Variants in SIM1 observed in about 807,000 individuals in gnomAD.
SIM1 encodes single-minded homolog 1.
In SIM1, 18 loss-of-function variants were observed where a neutral mutation model predicts 78.2. That is an observed-to-expected ratio of 0.23 (90% CI 0.16 to 0.34). SIM1 has a LOEUF of 0.34. Among genes scored for constraint, SIM1 ranks in the 10% least tolerant of loss-of-function variants. SIM1 has a pLI of 1.00. For missense variants in SIM1, 939 were observed against 975.1 expected (o/e 0.96, Z 0.49); for synonymous variants, 417 against 385.2 (o/e 1.08, Z -0.97).
Position 100,404,162 on chromosome 6 carries a change from G to A in SIM1, c.1168-10273C>T, listed in dbSNP as rs566273958. On this transcript the variant is annotated intron_variant, in intron 10 of 11. Coordinates refer to ENST00000369208, the MANE Select transcript of SIM1 (RefSeq NM_005068.3). ...TCACTCAAACAGTCTCATACCACAA[G>A]TACACCCATAGATATTCTTCTTTTG... Among the ~76,000 whole-genome samples the A allele has an allele frequency of 4.6e-5, 7 of 152,226 alleles. No individual in the cohort carries two copies. The South Asian group carries it at 1.5e-3, about 32-fold the overall frequency.
chr6:100,458,531 C>T (rs893822919), intron 2 of SIM1, among the ~76,000 whole-genome samples: 3 of 152,236 alleles, frequency 2.0e-5, no homozygotes, highest in Non-Finnish European at 4.4e-5. Context: ...GGGCTGCTGG[C>T]ACACACCTGC....
At chr6:100,460,516 A>G (rs1772813303) in intron 2 of SIM1, among the ~76,000 whole-genome samples, 1 of 152,216 alleles carries the variant, frequency 6.6e-6, no homozygotes, top group Non-Finnish European at 1.5e-5. Context: ...ACCTGTGATA[A>G]GACACTTATA....
At chr6:100,456,848 C>G (rs1772677022) in intron 2 of SIM1, among the ~76,000 whole-genome samples, 1 of 152,180 alleles carries the variant, frequency 6.6e-6, no homozygotes. Context: ...TAAATACCCC[C>G]TGACCCAAGG....
intron 10 of SIM1, among the ~76,000 whole-genome samples, chr6:100,419,941 T>C (rs1214964771): frequency 1.3e-5 from 2 of 151,964 alleles, no homozygotes; most frequent in Non-Finnish European, 2.9e-5. Flanking sequence ...GTGCCCAGCC[T>C]CCAGTTTGGT....
At position 100,386,462 on chromosome 6, in the gene SIM1, A is replaced by G. The variant is rs1483975752; in HGVS notation, c.*3899T>C. On this transcript the variant is annotated 3_prime_UTR_variant, in exon 12 of 12. Coordinates refer to ENST00000369208, the MANE Select transcript of SIM1 (RefSeq NM_005068.3). The stretch of plus-strand genomic sequence containing the variant: ...AGAAGATTTCTTTATCTGTGCTGCC[A>G]TCCATCAAACTTACTTGGTTTAGAT... 2.0e-5 allele frequency: 3 copies of G among 152,094 alleles called. No homozygotes were observed. The East Asian group carries it at 5.8e-4, about 29-fold the overall frequency. 9.4% of individuals were successfully genotyped at this position (152,094 alleles called of 1,614,324 possible).
In SIM1 at chr6:100,420,825, A is replaced by G; in HGVS notation, c.1132T>C (p.Ser378Pro). The change falls in exon 10 of 12, where the codon TCA becomes CCA. Residue 378 changes from serine to proline, a missense_variant. Ser to Pro is a moderately conservative substitution (Grantham distance 74). Around this residue, in one of 5 missense-constraint regions of SIM1, gnomAD observed 556 missense variants for 521.9 expected, o/e 1.07. Transcript: ENST00000369208. ...RKGAKSRLSS[S>P]KSKSRTSPYP... is the part of the protein sequence containing the mutation. ...GGGGAAGTCCTGGATTTTGACTTTG[A>G]GCTGGAGAGCCGGGATTTGGCCCCC... 1 of 1,614,150 alleles carries G rather than the reference A, an allele frequency of 6.2e-7. No individual in the cohort carries two copies.
intron 9 of SIM1, among the ~76,000 whole-genome samples, chr6:100,445,020 A>T (rs1296673450): frequency 6.6e-6 from 1 of 152,232 alleles, no homozygotes; most frequent in Non-Finnish European, 1.5e-5. Context: ...TGTCATTCTC[A>T]GGCTTCATAG....
intron 9 of SIM1, among the ~76,000 whole-genome samples, chr6:100,434,220 C>A (rs970151813): frequency 6.6e-6 from 1 of 152,202 alleles, no homozygotes; most frequent in African/African-American, 2.4e-5. Context: ...TCTGCCCTCC[C>A]CTTTGTGGGC....
intron 10 of SIM1, among the ~76,000 whole-genome samples, chr6:100,414,532 G>A (rs1771350598): frequency 6.6e-6 from 1 of 152,100 alleles, no homozygotes; most frequent in African/African-American, 2.4e-5. Flanking sequence ...CAACAGGAGA[G>A]GAAGACTAAT....
chr6:100,436,987 C>T (rs1365897599), intron 9 of SIM1, among the ~76,000 whole-genome samples: 3 of 152,106 alleles, frequency 2.0e-5, no homozygotes, highest in Non-Finnish European at 4.4e-5. Flanking sequence ...CCACCTACCT[C>T]AGCCTCTCAA....
chr6:100,448,091 C>A, intron 8 of SIM1, 55 bp downstream of exon 8: 1 of 1,432,770 alleles, frequency 7.0e-7, no homozygotes, highest in Non-Finnish European at 9.6e-7. Flanking sequence ...TCCCCCACCC[C>A]CTAACCAGCG....
intron 9 of SIM1, 56 bp from the exon 10 acceptor site, chr6:100,421,014 C>T: frequency 1.9e-6 from 3 of 1,545,672 alleles, no homozygotes; most frequent in Non-Finnish European, 2.6e-6. Flanking sequence ...TGGATTCATG[C>T]ATACTCTCAT....
chr6:100,424,012 G>C (rs1388843189), intron 9 of SIM1, among the ~76,000 whole-genome samples: 1 of 152,016 alleles, frequency 6.6e-6, no homozygotes, highest in Non-Finnish European at 1.5e-5. Context: ...ATGGCTATAA[G>C]CAGTGAATAA....
In SIM1 at chr6:100,391,002, A is replaced by G. The variant is rs201025486; in HGVS notation, c.1660T>C (p.Tyr554His). The G allele has an allele frequency of 6.2e-7, 1 of 1,614,088 alleles. No homozygotes were observed. The highest frequency in any genetic ancestry group is 1.3e-5 in the African/African-American group (1 of 74,994). ...ESGDRYRTEQ[Y>H]QSSPHEPSKI... ...CTGGGTTCATGTGGGCTACTTTGAT[A>G]CTGCTCAGTACGATATCGGTCACCT... Residue 554 changes from tyrosine (Y) to histidine (H), a missense_variant, in exon 12 of 12, where the codon TAT (tyrosine) becomes CAT (histidine). By Grantham distance (83) the Tyr-to-His change is moderately conservative. This residue lies in a region of SIM1 where 556 missense variants were observed against 521.9 expected (regional missense o/e 1.07). Transcript: ENST00000369208.
chr6:100,448,372 G>C (rs1772417863), intron 7 of SIM1, 107 bp downstream of exon 7: 3 of 1,388,410 alleles, frequency 2.2e-6, no homozygotes, highest in African/African-American at 1.4e-5. Flanking sequence ...GGCCGATTCA[G>C]TCGCCTCATG....
rs1299687747 is a variant in SIM1, at chr6:100,385,331, A to C, written c.*5030T>G. 6.6e-6 allele frequency: 1 copy of C among 152,098 alleles called. No individual in the cohort carries two copies. Among genetic ancestry groups the C allele is most frequent in the Non-Finnish European group, 1.5e-5 (1 of 67,966 alleles). 9.4% of individuals were successfully genotyped at this position (152,098 alleles called of 1,614,324 possible). A position where few individuals can be genotyped will look rare whatever the true frequency, so the allele number is the denominator to read the frequency against. ...CACATTAGTCAAAAAACAAATGTAAAATATTTTATCTTTTTTGAAGTGTCT... is the reference window on the plus strand; with the variant it reads ...CACATTAGTCAAAAAACAAATGTAACATATTTTATCTTTTTTGAAGTGTCT... On this transcript the variant is annotated 3_prime_UTR_variant, in exon 12 of 12. Transcript: ENST00000369208.
intron 2 of SIM1, among the ~76,000 whole-genome samples, chr6:100,454,290 A>T (rs1772589538): frequency 6.6e-6 from 1 of 152,194 alleles, no homozygotes; most frequent in South Asian, 2.1e-4. Flanking sequence ...GCGACCTGAG[A>T]CGACCGGCCA....
rs1003970382 is a variant in SIM1 at position 100,389,421 on chromosome 6, A to C, written c.*940T>G. The C allele has an allele frequency of 5.1e-6, 2 of 391,408 alleles. No individual in the cohort carries two copies. Among genetic ancestry groups the C allele is most frequent in the African/African-American group, 4.1e-5 (2 of 48,496 alleles). The allele number at this position is 391,408 out of a possible 1,614,324, so 24.2% of individuals were successfully genotyped here. A position where few individuals can be genotyped will look rare whatever the true frequency, so the allele number is the denominator to read the frequency against. On this transcript the variant is annotated 3_prime_UTR_variant, in exon 12 of 12. Transcript: ENST00000369208. ...TGGTTTTCCTTTTATTTTTGCACCT[A>C]TTGGTCTTTTTTCTGGGTGAATTGG...
chr6:100,390,440 A>C lies in SIM1; in HGVS notation c.2222T>G (p.Val741Gly). 6.2e-7 allele frequency: 1 copy of C among 1,614,166 alleles called. No individual in the cohort carries two copies. Among genetic ancestry groups the C allele is most frequent in the Non-Finnish European group, 8.5e-7 (1 of 1,180,016 alleles). The change falls in exon 12 of 12, where the codon GTA becomes GGA. Residue 741 changes from valine (V) to glycine (G), a missense_variant. Physicochemically the swap from Val to Gly is moderately radical, Grantham distance 109. Transcript: ENST00000369208. ...TGGTTGCATCCTCAGATGGGAAGTT[A>C]CATCAAAGTGTGAGCCATTACAGCC... ...SLGCNGSHFD[V>G]TSHLRMQPDP...
Sources: gnomAD v4.1 joint callset for allele counts (sites outside exome capture counted in the v4.1 genomes callset) on GRCh38, gnomAD v4.1.1 for gene constraint, gnomAD v4.1.1 regional missense constraint, MANE v1.5 for transcripts, NCBI Gene and HGNC (gene_info 2026-07-23, HGNC 2026-07-21) for gene names.